The following ASIC2 variants were observed in gnomAD, a reference collection of about 807,000 sequenced individuals.
ASIC2 encodes acid-sensing ion channel 2.
A neutral mutation model predicts 57.3 loss-of-function variants in ASIC2; 25 were observed. The observed-to-expected ratio is 0.44, with a 90% CI of 0.32 to 0.61. The LOEUF is 0.61. Among genes scored for constraint, ASIC2 ranks in the 20% least tolerant of loss-of-function variants. ASIC2 has a pLI of 0.06. For synonymous variants in ASIC2, 319 were observed against 307.5 expected (o/e 1.04, Z -0.39); for missense variants, 641 against 738.1 (o/e 0.87, Z 1.52).
rs117874523 is a variant in ASIC2 at position 33,286,216 on chromosome 17, C to T, written c.708+5192G>A. Among the ~76,000 whole-genome samples, 1,382 of 152,326 alleles carry T rather than the reference C, an allele frequency of 9.1e-3. 7 individuals are homozygous for T. The highest frequency in any genetic ancestry group is 0.014 in the Non-Finnish European group (922 of 68,032). ...TCTGATGTGACAAAATGTGATGAAA[C>T]TAAATGCTGTTTTCTTCGCTTTCAG... is the stretch of plus-strand genomic sequence containing the variant. On this transcript the variant is annotated intron_variant, in intron 1 of 9. Transcript: ENST00000225823.
intron 1 of ASIC2, among the ~76,000 whole-genome samples, chr17:33,526,188 G>C (rs17249577): frequency 0.089 from 13,548 of 152,114 alleles, 839 homozygotes; most frequent in East Asian, 0.29. Context: ...AAAGTGGAGG[G>C]TACCCAACCA....
chr17:33,930,892 G>C (rs1567759470), intron 1 of ASIC2, among the ~76,000 whole-genome samples: 1 of 151,730 alleles, frequency 6.6e-6, no homozygotes, highest in Admixed American at 6.5e-5. Context: ...GCCTAGTGCA[G>C]ATTTATTTAT....
intron 1 of ASIC2, among the ~76,000 whole-genome samples, chr17:33,912,736 T>G (rs541390784): frequency 5.9e-5 from 9 of 151,322 alleles, no homozygotes; most frequent in Non-Finnish European, 1.2e-4. Context: ...TCCCAGCACT[T>G]TGGGAGGCGG....
intron 1 of ASIC2, among the ~76,000 whole-genome samples, chr17:33,835,097 T>C (rs943213072): frequency 6.6e-5 from 10 of 152,196 alleles, no homozygotes; most frequent in Admixed American, 3.9e-4. Context: ...CATTGTGAGA[T>C]TGTAATTCAA....
intron 1 of ASIC2, among the ~76,000 whole-genome samples, chr17:33,751,348 CAG>C (rs1910425267): frequency 1.3e-5 from 2 of 152,102 alleles, no homozygotes; most frequent in South Asian, 4.2e-4. Context: ...CTGGGAAAGT[CAG>C]AAAAACAAAG....
chr17:33,998,085 C>T (rs1906218111), intron 1 of ASIC2, among the ~76,000 whole-genome samples: 2 of 152,006 alleles, frequency 1.3e-5, no homozygotes, highest in Admixed American at 1.3e-4. Flanking sequence ...TTGGCCTGTT[C>T]AGATTATCTG....
intron 1 of ASIC2, among the ~76,000 whole-genome samples, chr17:33,191,356 T>C (rs1906410294): frequency 6.6e-6 from 1 of 152,138 alleles, no homozygotes; most frequent in Non-Finnish European, 1.5e-5. Flanking sequence ...CAAAGGGACA[T>C]GGGGAACCTT....
intron 1 of ASIC2, among the ~76,000 whole-genome samples, chr17:34,032,832 G>A (rs184537860): frequency 7.8e-4 from 119 of 152,160 alleles, no homozygotes; most frequent in African/African-American, 2.6e-3. Context: ...ATATATATGC[G>A]CCCAGTACAG....
At chr17:33,062,593 A>G (rs186592793) in intron 3 of ASIC2, among the ~76,000 whole-genome samples, 8 of 152,296 alleles carry the variant, frequency 5.3e-5, no homozygotes, top group Non-Finnish European at 1.2e-4. Flanking sequence ...TATGTGGTCA[A>G]TTTTGGAAGA....
chr17:33,126,527 A>G (rs947865054), intron 1 of ASIC2, among the ~76,000 whole-genome samples: 2 of 152,126 alleles, frequency 1.3e-5, no homozygotes, highest in Non-Finnish European at 2.9e-5. Context: ...GCTCACGCCT[A>G]TAATCCCAGC....
chr17:34,140,567 G>A (rs967539995), intron 1 of ASIC2, among the ~76,000 whole-genome samples: 17 of 152,064 alleles, frequency 1.1e-4, no homozygotes, highest in African/African-American at 3.9e-4. Context: ...TGAAGAAAAT[G>A]AACCTGAACA....
intron 1 of ASIC2, among the ~76,000 whole-genome samples, chr17:33,562,845 T>C (rs1481298514): frequency 6.6e-6 from 1 of 152,192 alleles, no homozygotes; most frequent in Admixed American, 6.5e-5. Context: ...CTGCCTCTGA[T>C]GACATGTGGA....
At chr17:33,240,588 G>A (rs866329249) in intron 1 of ASIC2, among the ~76,000 whole-genome samples, 8 of 152,314 alleles carry the variant, frequency 5.3e-5, no homozygotes, top group Middle Eastern at 3.4e-3. Context: ...CTGGATGAGA[G>A]TTTGCCATTT....
intron 1 of ASIC2, among the ~76,000 whole-genome samples, chr17:33,416,174 G>A (rs1245806811): frequency 6.6e-6 from 1 of 152,076 alleles, no homozygotes; most frequent in East Asian, 1.9e-4. Context: ...CTATGCTGGA[G>A]GTCACTCACA....
At position 33,495,288 on chromosome 17, in the gene ASIC2, G is replaced by T. The variant is rs543624229; in HGVS notation, c.556-383221C>A. ...CAGGGATTCTGATGGGTACCCAGGG[G>T]ATAACACCAACCTGCTGCCTTGTTT... On this transcript the variant is annotated intron_variant, in intron 1 of 9. Transcript: ENST00000359872. 3.9e-4 allele frequency among the ~76,000 whole-genome samples: 60 copies of T among 152,200 alleles called. No homozygotes were observed. In the South Asian group the frequency reaches 8.7e-3, roughly 22 times the overall value.
At chr17:33,298,883 G>A in intron 1 of ASIC2, among the ~76,000 whole-genome samples, 1 of 152,126 alleles carries the variant, frequency 6.6e-6, no homozygotes, top group Admixed American at 6.5e-5. Context: ...AATTTACAAG[G>A]GATGTGAAGG....
chr17:33,198,307 G>C (rs112900876), intron 1 of ASIC2, among the ~76,000 whole-genome samples: 3 of 152,154 alleles, frequency 2.0e-5, no homozygotes, highest in Admixed American at 6.5e-5. Context: ...AGCCATGTTT[G>C]CACCACTGCA....
At chr17:33,737,082 A>G (rs745423546) in intron 1 of ASIC2, among the ~76,000 whole-genome samples, 37 of 152,352 alleles carry the variant, frequency 2.4e-4, no homozygotes, top group Non-Finnish European at 3.7e-4. Flanking sequence ...CTATTCCTGT[A>G]TTGGTAGACA....
intron 1 of ASIC2, among the ~76,000 whole-genome samples, chr17:33,601,945 C>T (rs181657435): frequency 5.9e-5 from 9 of 152,344 alleles, no homozygotes; most frequent in Admixed American, 5.9e-4. Flanking sequence ...TCTATTTCTC[C>T]CTTTTGTAAT....
Sources: allele counts gnomAD v4.1 joint callset (sites outside exome capture counted in the v4.1 genomes callset), GRCh38; gene constraint gnomAD v4.1.1; transcripts MANE v1.5; gene names NCBI Gene and HGNC (gene_info 2026-07-23, HGNC 2026-07-21).